CHST9: variants seen among roughly 807,000 people sequenced by gnomAD.
CHST9 encodes the protein carbohydrate sulfotransferase 9.
A neutral mutation model predicts 44.4 loss-of-function variants in CHST9; 41 were observed. That is an observed-to-expected ratio of 0.92 (90% CI 0.72 to 1.20). The LOEUF (loss-of-function observed/expected upper bound fraction) is 1.20. Among genes scored for constraint, CHST9 ranks in the 50% most tolerant of loss-of-function variants. The pLI is 0.00. For synonymous variants in CHST9, 171 were observed against 178.4 expected (o/e 0.96, Z 0.33); for missense variants, 504 against 516.5 (o/e 0.98, Z 0.23).
chr18:26,981,940 T>G (rs1479746250), intron 4 of CHST9, among the ~76,000 whole-genome samples: 1 of 152,208 alleles, frequency 6.6e-6, no homozygotes, highest in Non-Finnish European at 1.5e-5. Flanking sequence ...ACCAGTCTTC[T>G]GTATTCCAGT....
intron 5 of CHST9, among the ~76,000 whole-genome samples, chr18:26,929,778 G>A (rs187035871): frequency 2.6e-3 from 392 of 152,272 alleles, no homozygotes; most frequent in South Asian, 6.8e-3. Flanking sequence ...GAGATGAAGA[G>A]AGAAGAGGAG....
chr18:27,171,844 C>T (rs2058835892), intron 1 of CHST9, among the ~76,000 whole-genome samples: 1 of 152,042 alleles, frequency 6.6e-6, no homozygotes, highest in Non-Finnish European at 1.5e-5. Flanking sequence ...TTTTATAGTT[C>T]TACTTTGCTA....
chr18:27,068,097 A>G lies in CHST9; in HGVS notation c.122-19594T>C, dbSNP rs73944505. Reference sequence around the variant, plus strand: ...TACTTTATTTGCTTATATTGATAAGAACCTGTATATGTTACAGATACTCGA... The same window carrying G: ...TACTTTATTTGCTTATATTGATAAGGACCTGTATATGTTACAGATACTCGA... On this transcript the variant is annotated intron_variant, in intron 2 of 5. Coordinates refer to ENST00000618847, the MANE Select transcript of CHST9 (RefSeq NM_031422.6). Among the ~76,000 whole-genome samples the G allele has an allele frequency of 9.4e-3, 1,425 of 152,266 alleles. 23 individuals are homozygous for G. Among genetic ancestry groups the G allele is most frequent in the African/African-American group, 0.033 (1,365 of 41,556 alleles).
At chr18:26,985,546 G>A (rs889402719) in intron 4 of CHST9, among the ~76,000 whole-genome samples, 1 of 152,178 alleles carries the variant, frequency 6.6e-6, no homozygotes, top group Non-Finnish European at 1.5e-5. Flanking sequence ...GAGCCCAGAA[G>A]ACTCTTTGAG....
chr18:27,143,004 A>G (rs1249630826), intron 1 of CHST9, 99 bp from the exon 2 acceptor site: 4 of 459,302 alleles, frequency 8.7e-6, no homozygotes, highest in Non-Finnish European at 1.1e-5. Flanking sequence ...TGAAGACTTA[A>G]TGTGCACACT....
chr18:27,108,180 T>C (rs1481932736), intron 2 of CHST9, among the ~76,000 whole-genome samples: 2 of 152,252 alleles, frequency 1.3e-5, no homozygotes, highest in East Asian at 3.9e-4. Context: ...ATGACTCTTG[T>C]AATCATGGTT....
chr18:27,107,548 G>A (rs1197664525), intron 2 of CHST9, among the ~76,000 whole-genome samples: 2 of 152,190 alleles, frequency 1.3e-5, no homozygotes, highest in Non-Finnish European at 2.9e-5. Context: ...TGCAGGCTTA[G>A]GTAATACACT....
chr18:27,127,353 G>C (rs138332718), intron 2 of CHST9, among the ~76,000 whole-genome samples: 1 of 152,186 alleles, frequency 6.6e-6, no homozygotes, highest in Non-Finnish European at 1.5e-5. Context: ...TGTCTTCATG[G>C]ACGTCAAGGG....
intron 2 of CHST9, among the ~76,000 whole-genome samples, chr18:27,107,117 G>A (rs2058228215): frequency 1.3e-5 from 2 of 152,090 alleles, no homozygotes; most frequent in South Asian, 4.2e-4. Flanking sequence ...GGGGAATGGA[G>A]TATATGATTA....
intron 4 of CHST9, among the ~76,000 whole-genome samples, chr18:26,978,087 TG>T (rs1351860581): frequency 4.1e-5 from 6 of 145,166 alleles, no homozygotes; most frequent in Admixed American, 2.1e-4. Context: ...TCTTTTCCTG[TG>T]GTTTTTTTTT....
intron 5 of CHST9, among the ~76,000 whole-genome samples, chr18:26,924,409 C>A (rs1337894440): frequency 6.6e-6 from 1 of 151,930 alleles, no homozygotes; most frequent in Non-Finnish European, 1.5e-5. Context: ...GTTTAAGGTG[C>A]CTTAGAGAGC....
intron 2 of CHST9, among the ~76,000 whole-genome samples, chr18:27,078,469 TA>T (rs2057928022): frequency 1.3e-5 from 2 of 151,584 alleles, no homozygotes; most frequent in South Asian, 4.2e-4. Context: ...CATGTGTATG[TA>T]AAGTATATAT....
intron 1 of CHST9, among the ~76,000 whole-genome samples, chr18:27,157,195 G>C (rs982853478): frequency 2.4e-4 from 37 of 152,128 alleles, no homozygotes; most frequent in African/African-American, 7.9e-4. Flanking sequence ...TTGGAAGATT[G>C]ATTTTTTTCC....
chr18:26,952,501 G>A, intron 4 of CHST9: 1 of 458,396 alleles, frequency 2.2e-6, no homozygotes, highest in Admixed American at 2.6e-5. Context: ...AAACCCTGGA[G>A]GACCAGTCCA....
chr18:26,924,708 C>T, intron 5 of CHST9: 1 of 199,582 alleles, frequency 5.0e-6, no homozygotes, highest in South Asian at 1.7e-4. Flanking sequence ...GTCAGTGTGT[C>T]TCTCCTGGGT....
intron 1 of CHST9, among the ~76,000 whole-genome samples, chr18:27,183,201 C>T (rs1459287270): frequency 6.6e-6 from 1 of 152,172 alleles, no homozygotes; most frequent in African/African-American, 2.4e-5. Flanking sequence ...AGAATGTCTT[C>T]TTTCATTGAA....
chr18:27,034,120 A>G (rs1486066631), intron 3 of CHST9, among the ~76,000 whole-genome samples: 3 of 152,232 alleles, frequency 2.0e-5, no homozygotes, highest in East Asian at 1.9e-4. Flanking sequence ...CAAATTTAAG[A>G]TAAATAAAAT....
At chr18:27,030,395 GATTA>G (rs1469170329) in intron 3 of CHST9, among the ~76,000 whole-genome samples, 1 of 152,166 alleles carries the variant, frequency 6.6e-6, no homozygotes, top group Non-Finnish European at 1.5e-5. Flanking sequence ...ACAAGCCATG[GATTA>G]ATTATTTGAT....
chr18:27,030,351 G>GA (rs1173603964), intron 3 of CHST9, among the ~76,000 whole-genome samples: 1 of 152,158 alleles, frequency 6.6e-6, no homozygotes, highest in Non-Finnish European at 1.5e-5. Context: ...TTATAAAATA[G>GA]AATTCAGCTT....
Sources: allele counts gnomAD v4.1 joint callset (sites outside exome capture counted in the v4.1 genomes callset), GRCh38; gene constraint gnomAD v4.1.1; transcripts MANE v1.5; gene names NCBI Gene and HGNC (gene_info 2026-07-23, HGNC 2026-07-21).